CAMK1D: variants seen among roughly 807,000 people sequenced by gnomAD.
The protein encoded by CAMK1D is calcium/calmodulin dependent protein kinase ID.
CAMK1D carries 9 observed loss-of-function variants against 47.7 expected under a neutral mutation model. The observed-to-expected ratio is 0.19, with a 90% CI of 0.11 to 0.33. The LOEUF is 0.33. CAMK1D is among the 10% of genes least tolerant of loss of function. The pLI is 1.00. For synonymous variants in CAMK1D, 184 were observed against 184.9 expected (o/e 0.99, Z 0.04); for missense variants, 291 against 488.7 (o/e 0.60, Z 3.81).
At chr10:12,787,129 AAAAAAGAAGAAG>A (rs1564561515) in intron 5 of CAMK1D, among the ~76,000 whole-genome samples, 1 of 27,898 alleles carries the variant, frequency 3.6e-5, no homozygotes, top group Non-Finnish European at 7.4e-5. Flanking sequence ...TCTCAAAGAA[AAAAAAGAAGAAG>A]AAGAAGAAGA....
chr10:12,529,109 A>G (rs1588596753), intron 1 of CAMK1D, among the ~76,000 whole-genome samples: 1 of 152,100 alleles, frequency 6.6e-6, no homozygotes, highest in Non-Finnish European at 1.5e-5. Context: ...AAGTGCTGAG[A>G]TTACAGGTGT....
At chr10:12,740,018 A>T (rs1835360950) in intron 3 of CAMK1D, among the ~76,000 whole-genome samples, 1 of 152,218 alleles carries the variant, frequency 6.6e-6, no homozygotes, top group Non-Finnish European at 1.5e-5. Flanking sequence ...TACCTTGTAA[A>T]AATAGTATCT....
At chr10:12,580,495 C>G (rs1837631844) in intron 2 of CAMK1D, among the ~76,000 whole-genome samples, 1 of 152,130 alleles carries the variant, frequency 6.6e-6, no homozygotes, top group African/African-American at 2.4e-5. Context: ...AACTTGGTTT[C>G]CGATGAGAGT....
intron 1 of CAMK1D, among the ~76,000 whole-genome samples, chr10:12,398,083 T>G (rs1046066046): frequency 2.0e-5 from 3 of 152,184 alleles, no homozygotes; most frequent in African/African-American, 7.2e-5. Context: ...CATCTTGAAA[T>G]AAAACAGTTA....
chr10:12,451,903 G>A (rs571309471), intron 1 of CAMK1D, among the ~76,000 whole-genome samples: 5 of 152,252 alleles, frequency 3.3e-5, no homozygotes, highest in South Asian at 4.1e-4. Context: ...ATGGGCCTTC[G>A]ACCACCGGGG....
chr10:12,663,577 G>C (rs1358982848), intron 2 of CAMK1D, among the ~76,000 whole-genome samples: 2 of 152,182 alleles, frequency 1.3e-5, no homozygotes, highest in Non-Finnish European at 2.9e-5. Flanking sequence ...GCTCCAGCCA[G>C]TGCATGAGTA....
intron 10 of CAMK1D, among the ~76,000 whole-genome samples, 171 bp from the exon 11 acceptor site, chr10:12,828,598 G>GC (rs1833341781): frequency 6.6e-6 from 1 of 151,308 alleles, no homozygotes; most frequent in African/African-American, 2.4e-5. Flanking sequence ...CCGAGATCGT[G>GC]CCACTGCACT....
chr10:12,751,418 T>C (rs1157728278), intron 3 of CAMK1D, among the ~76,000 whole-genome samples: 2 of 152,150 alleles, frequency 1.3e-5, no homozygotes, highest in Admixed American at 1.3e-4. Context: ...CGCTTGGCCA[T>C]CATCTTTCTT....
intron 3 of CAMK1D, among the ~76,000 whole-genome samples, chr10:12,745,685 C>A (rs903629540): frequency 2.0e-5 from 3 of 151,596 alleles, no homozygotes; most frequent in African/African-American, 7.3e-5. Context: ...TCACCACAAC[C>A]TCCGCCTCCT....
At chr10:12,698,225 G>C (rs1833372893) in intron 3 of CAMK1D, among the ~76,000 whole-genome samples, 1 of 152,158 alleles carries the variant, frequency 6.6e-6, no homozygotes, top group Non-Finnish European at 1.5e-5. Flanking sequence ...ATGCAAAATA[G>C]TTGTTCATGA....
intron 3 of CAMK1D, among the ~76,000 whole-genome samples, chr10:12,675,680 A>G (rs1840782831): frequency 6.6e-6 from 1 of 152,134 alleles, no homozygotes; most frequent in Admixed American, 6.6e-5. Context: ...TTAGTGTGTT[A>G]GTCAGATCTT....
At chr10:12,642,060 A>G (rs1361883243) in intron 2 of CAMK1D, among the ~76,000 whole-genome samples, 1 of 151,920 alleles carries the variant, frequency 6.6e-6, no homozygotes, top group African/African-American at 2.4e-5. Flanking sequence ...AAAAAAAAAA[A>G]AAGAAAGAAA....
intron 1 of CAMK1D, among the ~76,000 whole-genome samples, chr10:12,421,785 G>T (rs1840059835): frequency 6.7e-6 from 1 of 150,132 alleles, no homozygotes; most frequent in African/African-American, 2.5e-5. Context: ...TGCCTTTGTG[G>T]TTTTTTTTCT....
At position 12,824,448 on chromosome 10, in the gene CAMK1D, C is replaced by T; in HGVS notation, c.834-17C>T. 1 of 1,612,288 alleles carries T rather than the reference C, an allele frequency of 6.2e-7. No homozygotes were observed. Among genetic ancestry groups the T allele is most frequent in the African/African-American group, 1.3e-5 (1 of 74,988 alleles). On this transcript the variant is annotated splice_polypyrimidine_tract_variant and intron_variant, in intron 8 of 10. Coordinates refer to ENST00000619168, the MANE Select transcript of CAMK1D (RefSeq NM_153498.4). ...CAGAAGAAGCACTTCAGAGCAGCAC[C>T]TTTGCCTCTGTTTCAGGATCGCTGG...
At chr10:12,797,524 A>G (rs561885072) in intron 6 of CAMK1D, among the ~76,000 whole-genome samples, 2 of 152,134 alleles carry the variant, frequency 1.3e-5, no homozygotes, top group South Asian at 2.1e-4. Context: ...ACCAGTTCTT[A>G]TGAACCCTCC....
intron 2 of CAMK1D, among the ~76,000 whole-genome samples, chr10:12,566,166 G>C (rs942146497): frequency 3.9e-5 from 6 of 152,138 alleles, no homozygotes; most frequent in African/African-American, 1.4e-4. Context: ...CTGGCACATA[G>C]TGTGGGCTCT....
chr10:12,349,850 C>T lies in CAMK1D; in HGVS notation c.32C>T (p.Ser11Phe). The T allele has an allele frequency of 6.5e-7, 1 of 1,535,890 alleles. No individual in the cohort carries two copies. Among genetic ancestry groups the T allele is most frequent in the Non-Finnish European group, 8.8e-7 (1 of 1,139,490 alleles). The change falls in exon 1 of 11, where the codon TCC becomes TTC. Residue 11 changes from serine (S) to phenylalanine (F), a missense_variant. Around this residue, in one of 2 missense-constraint regions of CAMK1D, gnomAD observed 219 missense variants for 424.3 expected, o/e 0.52. Coordinates refer to ENST00000619168, the MANE Select transcript of CAMK1D (RefSeq NM_153498.4). MARENGESSS[S>F]WKKQAEDIKK... ...CGGGAGAACGGCGAGAGCAGCTCCT[C>T]CTGGAAAAAGCAAGCTGAAGACATC...
intron 1 of CAMK1D, among the ~76,000 whole-genome samples, chr10:12,383,912 A>G (rs1225789936): frequency 6.6e-6 from 1 of 152,236 alleles, no homozygotes. Flanking sequence ...GAAGAAGTAA[A>G]ACGATCTCTA....
Position 12,436,541 on chromosome 10 carries a change from G to T in CAMK1D, c.92+86631G>T, listed in dbSNP as rs536301652. Among the ~76,000 whole-genome samples the T allele has an allele frequency of 2.0e-5, 3 of 152,330 alleles. No individual in the cohort carries two copies. In the South Asian group the frequency reaches 6.2e-4, roughly 32 times the overall value. On this transcript the variant is annotated intron_variant, in intron 1 of 10. Transcript: ENST00000619168. ...TCTGTGGGGTTTATGTTCACTGGTG[G>T]CGAGGAGGTGATGGTAAAGTCTTTG...
Sources: allele counts gnomAD v4.1 joint callset (sites outside exome capture counted in the v4.1 genomes callset), GRCh38; gene constraint gnomAD v4.1.1; regional missense constraint gnomAD v4.1.1; transcripts MANE v1.5; gene names NCBI Gene and HGNC (gene_info 2026-07-23, HGNC 2026-07-21).